The following KCNQ3 variants were observed in gnomAD, a reference collection of about 807,000 sequenced individuals.
KCNQ3 encodes the protein potassium voltage-gated channel subfamily KQT member 3.
Under a neutral mutation model 92.5 loss-of-function variants are expected in KCNQ3, and 30 were observed. The ratio of observed to expected loss-of-function variants is 0.32; its 90% CI spans 0.24 to 0.44. The LOEUF (loss-of-function observed/expected upper bound fraction) is 0.44, where lower values mean the gene tolerates loss of function less well. KCNQ3 is among the 20% of genes least tolerant of loss of function. The pLI is 1.00. For synonymous variants in KCNQ3, 450 were observed against 468.8 expected, an observed-to-expected ratio of 0.96 and a Z score of 0.52; for missense variants, 913 against 1,140.3, an observed-to-expected ratio of 0.80 and a Z score of 2.87.
intron 1 of KCNQ3, among the ~76,000 whole-genome samples, chr8:132,407,292 G>GC (rs1820511927): frequency 6.6e-6 from 1 of 152,208 alleles, no homozygotes; most frequent in Non-Finnish European, 1.5e-5. Context: ...TTCAGTGGCA[G>GC]CGGACACCCT....
chr8:132,374,260 T>C (rs1318169071), intron 1 of KCNQ3, among the ~76,000 whole-genome samples: 3 of 152,132 alleles, frequency 2.0e-5, no homozygotes, highest in Non-Finnish European at 4.4e-5. Context: ...ACCAGCCCCT[T>C]TCTCATGGTG....
intron 1 of KCNQ3, among the ~76,000 whole-genome samples, chr8:132,366,970 A>T (rs1300903917): frequency 2.6e-5 from 4 of 152,198 alleles, no homozygotes; most frequent in Admixed American, 2.6e-4. Context: ...CATAAAAAAA[A>T]CTTTGGAAGT....
intron 1 of KCNQ3, among the ~76,000 whole-genome samples, chr8:132,189,595 A>T (rs934123155): frequency 6.6e-6 from 1 of 152,070 alleles, no homozygotes; most frequent in Non-Finnish European, 1.5e-5. Flanking sequence ...GGGAGGCTGA[A>T]GCAGGTGGAT....
At position 132,351,409 on chromosome 8, in the gene KCNQ3, A is replaced by G. The variant is rs572156727; in HGVS notation, c.386+128738T>C. Among the ~76,000 whole-genome samples, 4 of 152,242 alleles carry G rather than the reference A, an allele frequency of 2.6e-5. No individual in the cohort carries two copies. In the South Asian group the frequency reaches 8.3e-4, roughly 32 times the overall value. Reference sequence around the variant, plus strand: ...GGTGAACAAATCCAAATGGAAAGCAATCTCCTCCACCCCTGCCCCAACTCT... The same window carrying G: ...GGTGAACAAATCCAAATGGAAAGCAGTCTCCTCCACCCCTGCCCCAACTCT... On this transcript the variant is annotated intron_variant, in intron 1 of 14. Coordinates refer to ENST00000388996, the MANE Select transcript of KCNQ3 (RefSeq NM_004519.4).
intron 1 of KCNQ3, among the ~76,000 whole-genome samples, chr8:132,423,348 C>T (rs1353426597): frequency 3.3e-5 from 5 of 152,180 alleles, no homozygotes; most frequent in Admixed American, 2.0e-4. Context: ...TTCTAGCAAC[C>T]TCTCTTCCTT....
intron 1 of KCNQ3, among the ~76,000 whole-genome samples, chr8:132,186,964 G>A (rs1009990722): frequency 8.0e-6 from 1 of 125,532 alleles, no homozygotes; most frequent in African/African-American, 3.3e-5. Context: ...GACAGAGAGA[G>A]AGAGAGAGAG....
chr8:132,234,944 C>T lies in KCNQ3; in HGVS notation c.387-48763G>A, dbSNP rs1179893919. Among the ~76,000 whole-genome samples the T allele has an allele frequency of 5.3e-5, 8 of 152,254 alleles. No homozygotes were observed. The East Asian group carries it at 9.7e-4, about 18-fold the overall frequency. On this transcript the variant is annotated intron_variant, in intron 1 of 14. Transcript: ENST00000388996. ...ACAGTCCAGAATGTAAATCACATTC[C>T]GTGGTGATGGTTGCCCAACCTTATG... is the stretch of plus-strand genomic sequence containing the variant.
chr8:132,396,148 C>G (rs746134341), intron 1 of KCNQ3, among the ~76,000 whole-genome samples: 1 of 152,162 alleles, frequency 6.6e-6, no homozygotes, highest in African/African-American at 2.4e-5. Context: ...CATTTCCGAC[C>G]CAGGCAGTGG....
intron 1 of KCNQ3, among the ~76,000 whole-genome samples, chr8:132,203,663 T>C (rs988987204): frequency 4.6e-5 from 7 of 152,198 alleles, no homozygotes; most frequent in African/African-American, 1.7e-4. Flanking sequence ...TGTGTGACTC[T>C]GAGTAAGTAA....
intron 1 of KCNQ3, among the ~76,000 whole-genome samples, chr8:132,245,977 A>T (rs1013133542): frequency 6.7e-5 from 8 of 119,672 alleles, no homozygotes; most frequent in African/African-American, 2.0e-4. Context: ...AATATTCACC[A>T]ACTTATTAAA....
intron 1 of KCNQ3, among the ~76,000 whole-genome samples, chr8:132,392,101 T>C (rs1820061954): frequency 6.6e-6 from 1 of 152,154 alleles, no homozygotes; most frequent in Non-Finnish European, 1.5e-5. Context: ...GCCTACAGCA[T>C]CCGGCCTCCC....
chr8:132,443,274 A>G (rs1310781291), intron 1 of KCNQ3, among the ~76,000 whole-genome samples: 2 of 151,374 alleles, frequency 1.3e-5, no homozygotes, highest in Admixed American at 6.6e-5. Context: ...AGCACTACCA[A>G]TTAGAGCCGG....
intron 1 of KCNQ3, among the ~76,000 whole-genome samples, chr8:132,315,583 C>T (rs1817717866): frequency 1.3e-5 from 2 of 151,992 alleles, no homozygotes; most frequent in Admixed American, 1.3e-4. Flanking sequence ...TTTTCCACCC[C>T]CTCCCCAACT....
At chr8:132,349,540 A>G (rs1327772377) in intron 1 of KCNQ3, among the ~76,000 whole-genome samples, 2 of 152,234 alleles carry the variant, frequency 1.3e-5, no homozygotes, top group African/African-American at 4.8e-5. Context: ...ATAAAATATT[A>G]TAAGATGTTA....
intron 14 of KCNQ3, among the ~76,000 whole-genome samples, chr8:132,131,350 T>C (rs959715335): frequency 2.6e-5 from 4 of 152,186 alleles, no homozygotes; most frequent in Non-Finnish European, 5.9e-5. Context: ...GATTATGAGC[T>C]GTTTGCTGTG....
chr8:132,155,748 G>A (rs1825781517), intron 9 of KCNQ3, among the ~76,000 whole-genome samples: 1 of 152,154 alleles, frequency 6.6e-6, no homozygotes, highest in South Asian at 2.1e-4. Context: ...AAATCACCTA[G>A]CTCAATCTCT....
intron 1 of KCNQ3, among the ~76,000 whole-genome samples, chr8:132,250,615 G>A (rs193132093): frequency 6.2e-4 from 95 of 152,170 alleles, no homozygotes; most frequent in African/African-American, 2.2e-3. Flanking sequence ...CACATGAACC[G>A]ATTATAAAAA....
At chr8:132,169,144 G>C (rs1019923294) in intron 8 of KCNQ3, among the ~76,000 whole-genome samples, 1 of 152,174 alleles carries the variant, frequency 6.6e-6, no homozygotes, top group Non-Finnish European at 1.5e-5. Context: ...AAAGTAGCCT[G>C]GGAGTTTAAA....
rs1162478679 is a variant in KCNQ3, at chr8:132,122,301, A to C, written c.*6961T>G. 6.6e-6 allele frequency: 1 copy of C among 152,252 alleles called. No homozygotes were observed. Among genetic ancestry groups the C allele is most frequent in the Non-Finnish European group, 1.5e-5 (1 of 68,044 alleles). 9.4% of individuals were successfully genotyped at this position (152,252 alleles called of 1,614,324 possible). ...GCTATCATGTCACAAGCAACTCATA[A>C]GGAGTGCTTAGGATAAGTTTCTCTC... On this transcript the variant is annotated 3_prime_UTR_variant, in exon 15 of 15. Coordinates refer to ENST00000388996, the MANE Select transcript of KCNQ3 (RefSeq NM_004519.4).
Sources: gnomAD v4.1 joint callset for allele counts (sites outside exome capture counted in the v4.1 genomes callset) on GRCh38, gnomAD v4.1.1 for gene constraint, MANE v1.5 for transcripts, NCBI Gene and HGNC (gene_info 2026-07-23, HGNC 2026-07-21) for gene names.